STAC: variants seen among roughly 807,000 people sequenced by gnomAD.
STAC encodes SH3 and cysteine-rich domain-containing protein.
In STAC, 43 loss-of-function variants were observed where a neutral mutation model predicts 48.8. The ratio of observed to expected loss-of-function variants is 0.88; its 90% CI spans 0.69 to 1.14. The LOEUF is 1.14. Among genes scored for constraint, STAC ranks in the 50% most tolerant of loss-of-function variants. STAC has a pLI of 0.00. For synonymous variants in STAC, 193 were observed against 179.5 expected, an observed-to-expected ratio of 1.07 and a Z score of -0.60; for missense variants, 497 against 504.0, an observed-to-expected ratio of 0.99 and a Z score of 0.13.
chr3:36,466,922 T>C (rs1009558338), intron 2 of STAC, among the ~76,000 whole-genome samples: 1 of 151,960 alleles, frequency 6.6e-6, no homozygotes, highest in Non-Finnish European at 1.5e-5. Context: ...CTAGTCTTGT[T>C]CCAGTTCTCG....
chr3:36,467,351 G>T (rs1697206212), intron 2 of STAC, among the ~76,000 whole-genome samples: 1 of 152,018 alleles, frequency 6.6e-6, no homozygotes, highest in Admixed American at 6.6e-5. Flanking sequence ...GGGTGATTCT[G>T]GATTCATAGA....
chr3:36,534,076 A>T (rs368654673), intron 10 of STAC, among the ~76,000 whole-genome samples: 252 of 152,332 alleles, frequency 1.7e-3, no homozygotes, highest in African/African-American at 5.7e-3. Flanking sequence ...GTCCTAAGTT[A>T]TTTTAGGTTG....
In STAC at chr3:36,443,008, T is replaced by C. The variant is rs1422085056; in HGVS notation, c.112-356T>C. 6.6e-6 allele frequency among the ~76,000 whole-genome samples: 1 copy of C among 152,214 alleles called. No homozygotes were observed. The highest frequency in any genetic ancestry group is 2.4e-5 in the African/African-American group (1 of 41,446). Reference sequence around the variant, plus strand: ...CCTTTGAGCCCATGAGTTTGTATACTTAATATTTCCAATGATTCAAATTCA... The same window carrying C: ...CCTTTGAGCCCATGAGTTTGTATACCTAATATTTCCAATGATTCAAATTCA... On this transcript the variant is annotated intron_variant, in intron 1 of 10. Transcript: ENST00000273183. The surrounding 1 kb of genome is among the most constrained non-coding windows in gnomAD (Gnocchi z 4.2).
chr3:36,472,144 C>A (rs1225221403), intron 2 of STAC, among the ~76,000 whole-genome samples: 1 of 152,282 alleles, frequency 6.6e-6, no homozygotes, highest in Non-Finnish European at 1.5e-5. Flanking sequence ...TGTGCACCCA[C>A]AGGCTCAACA....
At chr3:36,535,150 G>A (rs1699168984) in intron 10 of STAC, among the ~76,000 whole-genome samples, 1 of 152,038 alleles carries the variant, frequency 6.6e-6, no homozygotes, top group Non-Finnish European at 1.5e-5. Context: ...TTACTTCCTT[G>A]AGCAGTGGTT....
At chr3:36,427,009 C>CT (rs1700581397) in intron 1 of STAC, among the ~76,000 whole-genome samples, 1 of 152,228 alleles carries the variant, frequency 6.6e-6, no homozygotes, top group African/African-American at 2.4e-5. Flanking sequence ...CAACAGCCTC[C>CT]TTCTTGCCTC....
chr3:36,467,885 T>G (rs1697221357), intron 2 of STAC, among the ~76,000 whole-genome samples: 1 of 152,004 alleles, frequency 6.6e-6, no homozygotes, highest in African/African-American at 2.4e-5. Context: ...TCTTTTGCTG[T>G]GTTTGGGTTC....
chr3:36,399,092 C>A (rs2125625265), intron 1 of STAC, among the ~76,000 whole-genome samples: 1 of 152,108 alleles, frequency 6.6e-6, no homozygotes, highest in Admixed American at 6.5e-5. Flanking sequence ...TTTTTTTTAA[C>A]TTTGTGTCAG....
At chr3:36,408,597 G>A (rs978088797) in intron 1 of STAC, among the ~76,000 whole-genome samples, 1 of 152,148 alleles carries the variant, frequency 6.6e-6, no homozygotes, top group Non-Finnish European at 1.5e-5. Context: ...TAATGGTGAG[G>A]CTCCTGGAAA....
intron 1 of STAC, among the ~76,000 whole-genome samples, chr3:36,381,346 A>C (rs1699506194): frequency 1.3e-5 from 2 of 152,256 alleles, no homozygotes; most frequent in Non-Finnish European, 2.9e-5. Flanking sequence ...TTACACTAAC[A>C]CGTATACAAA....
intron 5 of STAC, among the ~76,000 whole-genome samples, chr3:36,491,842 T>G (rs113053993): frequency 0.051 from 7,665 of 149,596 alleles, 249 homozygotes; most frequent in East Asian, 0.095. Flanking sequence ...AGTGAAATCC[T>G]GTCTCTACCA....
At chr3:36,469,263 GT>G (rs1277065584) in intron 2 of STAC, among the ~76,000 whole-genome samples, 2 of 152,120 alleles carry the variant, frequency 1.3e-5, no homozygotes, top group Non-Finnish European at 2.9e-5. Flanking sequence ...CCTTTTAGCA[GT>G]TCTTGCAGTG....
intron 1 of STAC, among the ~76,000 whole-genome samples, chr3:36,431,810 C>T (rs1700711975): frequency 6.6e-6 from 1 of 152,102 alleles, no homozygotes; most frequent in African/African-American, 2.4e-5. Context: ...TGGCAGCCTC[C>T]CCTCACCCCC....
At chr3:36,495,421 G>A (rs79161874) in intron 6 of STAC, among the ~76,000 whole-genome samples, 285 of 152,314 alleles carry the variant, frequency 1.9e-3, no homozygotes, top group African/African-American at 6.5e-3. Context: ...TCTTCCCACA[G>A]TTGTCTCTGC....
At chr3:36,504,633 T>C (rs1459960750) in intron 7 of STAC, among the ~76,000 whole-genome samples, 176 bp downstream of exon 7, 1 of 152,154 alleles carries the variant, frequency 6.6e-6, no homozygotes, top group Non-Finnish European at 1.5e-5. Flanking sequence ...GCACAGTGCA[T>C]AAAAGGTAAA....
intron 10 of STAC, among the ~76,000 whole-genome samples, chr3:36,541,677 T>G (rs1476032501): frequency 6.6e-6 from 1 of 152,128 alleles, no homozygotes; most frequent in Non-Finnish European, 1.5e-5. Context: ...GGAAATTGAG[T>G]AAGGCATTCG....
intron 8 of STAC, among the ~76,000 whole-genome samples, chr3:36,514,204 CTTTTTTTTTTTTTT>C (rs765548085): frequency 8.2e-5 from 3 of 36,420 alleles, no homozygotes; most frequent in Non-Finnish European, 1.0e-4. Context: ...CACTGGCCTT[CTTTTTTTTTTTTTT>C]TTTTTTTTTT....
chr3:36,486,029 C>A (rs2125701742), intron 4 of STAC, 105 bp from the exon 5 acceptor site: 3 of 828,538 alleles, frequency 3.6e-6, no homozygotes, highest in East Asian at 2.5e-5. Flanking sequence ...AGTTCCTCTG[C>A]ACAGAGCCTG....
At chr3:36,517,719 A>G (rs1698707114) in intron 8 of STAC, among the ~76,000 whole-genome samples, 1 of 152,122 alleles carries the variant, frequency 6.6e-6, no homozygotes, top group Non-Finnish European at 1.5e-5. Context: ...CCCTATTATA[A>G]TCAGCACTGT....
Sources: allele counts gnomAD v4.1 joint callset (sites outside exome capture counted in the v4.1 genomes callset), GRCh38; gene constraint gnomAD v4.1.1; non-coding constraint Gnocchi (gnomAD v3.1); transcripts MANE v1.5; gene names NCBI Gene and HGNC (gene_info 2026-07-23, HGNC 2026-07-21).